SH3RF2: variants seen among roughly 807,000 people sequenced by gnomAD.
The protein encoded by SH3RF2 is SH3 domain containing ring finger 2.
A neutral mutation model predicts 59.0 loss-of-function variants in SH3RF2; 43 were observed. The ratio of observed to expected loss-of-function variants is 0.73; its 90% CI spans 0.57 to 0.94. SH3RF2 has a LOEUF of 0.94. Ranked by LOEUF, SH3RF2 falls within the 40% of genes least tolerant of loss-of-function variation. The pLI, the probability that SH3RF2 is intolerant of heterozygous loss-of-function variation, is 0.00. For missense variants in SH3RF2, 930 were observed against 940.1 expected (o/e 0.99, Z 0.14); for synonymous variants, 391 against 391.5 (o/e 1.00, Z 0.01).
At chr5:146,048,628 C>T (rs1762386273) in intron 6 of SH3RF2, among the ~76,000 whole-genome samples, 1 of 152,146 alleles carries the variant, frequency 6.6e-6, no homozygotes, top group South Asian at 2.1e-4. Flanking sequence ...GAGGGACTTC[C>T]TGATGTCTGA....
chr5:146,047,543 CT>C (rs2150014026), intron 5 of SH3RF2, among the ~76,000 whole-genome samples: 1 of 152,184 alleles, frequency 6.6e-6, no homozygotes, highest in East Asian at 1.9e-4. Flanking sequence ...TCTGAGCAGG[CT>C]TTTGGAATGC....
chr5:146,047,909 G>T (rs756070329), intron 6 of SH3RF2, 46 bp downstream of exon 6: 5 of 1,563,204 alleles, frequency 3.2e-6, no homozygotes, highest in Non-Finnish European at 4.4e-6. Context: ...GCACAAAGGG[G>T]TCATCTTTAC....
intron 3 of SH3RF2, among the ~76,000 whole-genome samples, chr5:146,003,600 T>C (rs1321314859): frequency 1.3e-5 from 2 of 152,238 alleles, no homozygotes; most frequent in African/African-American, 4.8e-5. Context: ...CATATAACCT[T>C]TTATAGTAAG....
chr5:146,072,013 A>T (rs1763250378), intron 9 of SH3RF2, among the ~76,000 whole-genome samples: 1 of 152,194 alleles, frequency 6.6e-6, no homozygotes, highest in South Asian at 2.1e-4. Context: ...GAACAGTGAG[A>T]GTGTTTTAGT....
At position 146,028,776 on chromosome 5, in the gene SH3RF2, A is replaced by G. The variant is rs552454310; in HGVS notation, c.1059+14715A>G. ...CTGTGTGAAAAAGATGCCCTTTCTG[A>G]ATAGCCCCAGCAGACCACTCTTCTC... On this transcript the variant is annotated intron_variant, in intron 5 of 9. Coordinates refer to ENST00000359120, the MANE Select transcript of SH3RF2 (RefSeq NM_152550.4). Among the ~76,000 whole-genome samples the G allele has an allele frequency of 1.2e-4, 18 of 152,314 alleles. No homozygotes were observed. The East Asian group carries it at 3.3e-3, about 28-fold the overall frequency.
chr5:145,954,308 G>A (rs1174954769), intron 2 of SH3RF2, among the ~76,000 whole-genome samples: 1 of 152,208 alleles, frequency 6.6e-6, no homozygotes, highest in Admixed American at 6.5e-5. Context: ...CTAATGATCA[G>A]CGATATTGAG....
intron 5 of SH3RF2, among the ~76,000 whole-genome samples, chr5:146,042,398 G>A (rs1454434564): frequency 1.3e-5 from 2 of 152,118 alleles, no homozygotes; most frequent in Non-Finnish European, 2.9e-5. Flanking sequence ...GTCAAACCCT[G>A]TGCTAAATAG....
chr5:146,061,653 C>T (rs147541437), intron 9 of SH3RF2, among the ~76,000 whole-genome samples: 43 of 152,140 alleles, frequency 2.8e-4, no homozygotes, highest in African/African-American at 1.0e-3. Context: ...AAATACTGTA[C>T]CTATGGGTGC....
chr5:146,070,614 T>A (rs1357558562), intron 9 of SH3RF2, among the ~76,000 whole-genome samples: 1 of 152,196 alleles, frequency 6.6e-6, no homozygotes, highest in African/African-American at 2.4e-5. Context: ...CTGTCCTCAC[T>A]CTAAATGATA....
intron 2 of SH3RF2, among the ~76,000 whole-genome samples, chr5:145,977,807 TCTGA>T (rs1413572361): frequency 6.6e-6 from 1 of 152,184 alleles, no homozygotes; most frequent in Non-Finnish European, 1.5e-5. Flanking sequence ...GAACAGACAT[TCTGA>T]CTGCCTTGTT....
At chr5:146,017,884 A>C in intron 5 of SH3RF2, among the ~76,000 whole-genome samples, 1 of 151,822 alleles carries the variant, frequency 6.6e-6, no homozygotes, top group African/African-American at 2.4e-5. Context: ...GACCTCTTGC[A>C]AACCCAAATC....
chr5:146,062,507 G>A lies in SH3RF2; in HGVS notation c.1996G>A (p.Glu666Lys), dbSNP rs1762934580. The A allele has an allele frequency of 6.2e-7, 1 of 1,614,034 alleles. No homozygotes were observed. The highest frequency in any genetic ancestry group is 8.5e-7 in the Non-Finnish European group (1 of 1,180,038). The change falls in exon 10 of 10, where the codon GAA (glutamate) becomes AAA (lysine). Residue 666 changes from glutamate (E) to lysine (K), a missense_variant. Coordinates refer to ENST00000359120, the MANE Select transcript of SH3RF2 (RefSeq NM_152550.4). ...YTSHPTSGKP[E>K]QPATLKASQP... ...CTCCCATCCCACCTCCGGAAAGCCT[G>A]AACAGCCAGCCACCCTCAAGGCGTC...
In SH3RF2 at chr5:146,004,169, G is replaced by A. The variant is rs772066893; in HGVS notation, c.744+16G>A. On this transcript the variant is annotated intron_variant, in intron 4 of 9. Transcript: ENST00000359120. ...GTTTGTAGAGGTACGTGAGTATCAA[G>A]TCTACATCTGATTTACGCATACACA... 1 of 1,594,198 alleles carries A rather than the reference G, an allele frequency of 6.3e-7. No homozygotes were observed. The highest frequency in any genetic ancestry group is 1.1e-5 in the South Asian group (1 of 90,126).
chr5:145,994,275 T>G (rs1358075680), intron 2 of SH3RF2, among the ~76,000 whole-genome samples: 1 of 152,224 alleles, frequency 6.6e-6, no homozygotes, highest in Non-Finnish European at 1.5e-5. Flanking sequence ...AGTTCCAAAC[T>G]TTCCCACATT....
chr5:145,946,371 G>A (rs1429429630), intron 2 of SH3RF2, among the ~76,000 whole-genome samples: 1 of 152,094 alleles, frequency 6.6e-6, no homozygotes, highest in Non-Finnish European at 1.5e-5. Flanking sequence ...CCACAGCTTG[G>A]CCCATATTAG....
chr5:146,076,544 G>C (rs1763345182), intron 9 of SH3RF2, among the ~76,000 whole-genome samples: 2 of 152,182 alleles, frequency 1.3e-5, no homozygotes, highest in Admixed American at 6.5e-5. Context: ...GTAATTTATT[G>C]ACATGGTGAG....
At chr5:146,068,031 C>G (rs1763145230), downstream of SH3RF2, among the ~76,000 whole-genome samples, 1 of 152,240 alleles carries the variant, frequency 6.6e-6, no homozygotes, top group African/African-American at 2.4e-5. Flanking sequence ...CAGCCCGCTC[C>G]TGACCACTGT....
At chr5:145,953,692 G>T (rs1758282230) in intron 2 of SH3RF2, among the ~76,000 whole-genome samples, 2 of 152,012 alleles carry the variant, frequency 1.3e-5, no homozygotes, top group Admixed American at 1.3e-4. Context: ...TACTTTTTCT[G>T]CTCCTCTCCC....
At chr5:146,028,759 A>G (rs1426177555) in intron 5 of SH3RF2, among the ~76,000 whole-genome samples, 1 of 152,190 alleles carries the variant, frequency 6.6e-6, no homozygotes, top group Non-Finnish European at 1.5e-5. Flanking sequence ...GGCTGTGTGA[A>G]AAAGATGCCC....
Sources: gnomAD v4.1 joint callset for allele counts (sites outside exome capture counted in the v4.1 genomes callset) on GRCh38, gnomAD v4.1.1 for gene constraint, MANE v1.5 for transcripts, NCBI Gene and HGNC (gene_info 2026-07-23, HGNC 2026-07-21) for gene names.